Variants in C6orf58 observed in about 807,000 individuals in gnomAD.
The protein encoded by C6orf58 is chromosome 6 open reading frame 58, also known as protein LEG1 homolog.
A neutral mutation model predicts 37.0 loss-of-function variants in C6orf58; 30 were observed. That is an observed-to-expected ratio of 0.81 (90% CI 0.61 to 1.10). The LOEUF is 1.10. Ranked by LOEUF, C6orf58 falls within the 50% of genes least tolerant of loss-of-function variation. The probability of loss-of-function intolerance (pLI) is 0.00; values close to 1 mark genes in which losing one functional copy is unlikely to be tolerated. For missense variants in C6orf58, 368 were observed against 387.5 expected (o/e 0.95, Z 0.42); for synonymous variants, 143 against 134.1 (o/e 1.07, Z -0.46).
chr6:127,578,153 TG>T (rs1775010111), intron 1 of C6orf58, among the ~76,000 whole-genome samples: 1 of 152,132 alleles, frequency 6.6e-6, no homozygotes, highest in Non-Finnish European at 1.5e-5. Flanking sequence ...CAATTTCATT[TG>T]GAAGAAAAAC....
At chr6:127,585,516 C>T (rs886354302) in intron 4 of C6orf58, among the ~76,000 whole-genome samples, 1 of 152,030 alleles carries the variant, frequency 6.6e-6, no homozygotes, top group African/African-American at 2.4e-5. Flanking sequence ...TTTAAATGAT[C>T]AAAAAACCTA....
chr6:127,577,341 T>C lies in C6orf58; in HGVS notation c.156T>C (p.Ile52=), dbSNP rs369253972. Residue 52 remains isoleucine (I), a synonymous_variant, in exon 1 of 6, where the codon ATT becomes ATC. Coordinates refer to ENST00000329722, the MANE Select transcript of C6orf58 (RefSeq NM_001010905.3). ...DYRVENSMYI[I]NPWVYLERMG... ...GGGTGGAGAACAGCATGTACATTAT[T>C]AATCCCTGGGTATACCTTGAGAGAA... The C allele has an allele frequency of 3.3e-5, 54 of 1,613,694 alleles. No individual in the cohort carries two copies. In the African/African-American group the frequency reaches 6.4e-4, roughly 19 times the overall value.
chr6:127,579,484 CAG>C (rs1775025198), intron 2 of C6orf58, among the ~76,000 whole-genome samples: 1 of 152,034 alleles, frequency 6.6e-6, no homozygotes, highest in Non-Finnish European at 1.5e-5. Flanking sequence ...ATCTAGAATT[CAG>C]AGTTTGTTAT....
chr6:127,591,432 C>T (rs1223708441), intron 5 of C6orf58, 111 bp from the exon 6 acceptor site: 6 of 956,956 alleles, frequency 6.3e-6, no homozygotes, highest in Non-Finnish European at 8.7e-6. Flanking sequence ...TATGATTTTA[C>T]CATTAAATTA....
intron 4 of C6orf58, among the ~76,000 whole-genome samples, chr6:127,588,085 C>T (rs1301911269): frequency 6.6e-6 from 1 of 152,164 alleles, no homozygotes; most frequent in African/African-American, 2.4e-5. Context: ...CCTGGGTTCA[C>T]TCTCATGTTG....
At chr6:127,580,930 G>A (rs1436726116) in intron 3 of C6orf58, among the ~76,000 whole-genome samples, 3 of 151,918 alleles carry the variant, frequency 2.0e-5, no homozygotes, top group Non-Finnish European at 4.4e-5. Context: ...GGCCTGATCG[G>A]TATAAAATAT....
At position 127,581,282 on chromosome 6, in the gene C6orf58, G is replaced by A. The variant is rs1775047656; in HGVS notation, c.674G>A (p.Arg225Lys). The A allele has an allele frequency of 1.4e-6, 2 of 1,417,374 alleles. No homozygotes were observed. Among genetic ancestry groups the A allele is most frequent in the Non-Finnish European group, 1.9e-6 (2 of 1,039,492 alleles). 87.8% of individuals were successfully genotyped at this position (1,417,374 alleles called of 1,614,324 possible). The part of the protein sequence containing the change: ...LADNIKSFED[R>K]YDYYSKAEAH... ...GATAATATCAAAAGTTTTGAAGACA[G>A]GTAAGAATGAATCTTTAAAGTATCT... The change falls in exon 4 of 6, where the codon AGA becomes AAA. Residue 225 changes from arginine (R) to lysine (K), a missense_variant and splice_region_variant. Coordinates refer to ENST00000329722, the MANE Select transcript of C6orf58 (RefSeq NM_001010905.3).
In C6orf58 at chr6:127,590,364, A is replaced by G. The variant is rs746148834; in HGVS notation, c.913+39A>G. Reference sequence around the variant, plus strand: ...AAGGATACTTTTAAAAATCAGTATTATGTTGAACAAATAGAGGAAGAAATA... The same window carrying G: ...AAGGATACTTTTAAAAATCAGTATTGTGTTGAACAAATAGAGGAAGAAATA... On this transcript the variant is annotated intron_variant, in intron 5 of 5. Transcript: ENST00000329722. 7 of 1,217,840 alleles carry G rather than the reference A, an allele frequency of 5.7e-6. No homozygotes were observed. In the Admixed American group the frequency reaches 1.3e-4, roughly 23 times the overall value. The allele number at this position is 1,217,840 out of a possible 1,614,324, so 75.4% of individuals were successfully genotyped here.
At chr6:127,578,877 A>G in intron 2 of C6orf58, 105 bp downstream of exon 2, 1 of 834,046 alleles carries the variant, frequency 1.2e-6, no homozygotes, top group Non-Finnish European at 1.9e-6. Flanking sequence ...TCCTGTTCCT[A>G]TTTTAAAAAG....
chr6:127,590,259 T>G lies in C6orf58; in HGVS notation c.847T>G (p.Phe283Val). The change falls in exon 5 of 6, where the codon TTT becomes GTT. Residue 283 changes from phenylalanine (F) to valine (V), a missense_variant. Coordinates refer to ENST00000329722, the MANE Select transcript of C6orf58 (RefSeq NM_001010905.3). ...NTDVAPFISD[F>V]TAFQNVVLVL... ...TGATGTAGCCCCTTTCATCAGTGAC[T>G]TTACTGCTTTTCAGAATGTAGTCCT... is the stretch of plus-strand genomic sequence containing the variant. The G allele has an allele frequency of 6.2e-7, 1 of 1,613,566 alleles. No homozygotes were observed. The highest frequency in any genetic ancestry group is 8.5e-7 in the Non-Finnish European group (1 of 1,179,780).
At chr6:127,577,980 A>G (rs1583126818) in intron 1 of C6orf58, among the ~76,000 whole-genome samples, 1 of 152,264 alleles carries the variant, frequency 6.6e-6, no homozygotes, top group Non-Finnish European at 1.5e-5. Flanking sequence ...TACAGTGTAT[A>G]GACAGAAGTT....
chr6:127,585,052 C>G (rs767625235), intron 4 of C6orf58, among the ~76,000 whole-genome samples: 3 of 152,100 alleles, frequency 2.0e-5, no homozygotes, highest in Non-Finnish European at 4.4e-5. Context: ...AACTCTCATT[C>G]GGTCCAATGG....
At chr6:127,582,420 T>G (rs1447642172) in intron 4 of C6orf58, among the ~76,000 whole-genome samples, 1 of 152,186 alleles carries the variant, frequency 6.6e-6, no homozygotes, top group Non-Finnish European at 1.5e-5. Flanking sequence ...TGTTTGTTGA[T>G]TTCTTACAAC....
chr6:127,578,866 A>G lies in C6orf58; in HGVS notation c.388+94A>G, dbSNP rs1775018101. The stretch of plus-strand genomic sequence containing the variant: ...TAGGGACAGAGACAGAACTAAAATA[A>G]TCCTGTTCCTATTTTAAAAAGGAAT... On this transcript the variant is annotated intron_variant, in intron 2 of 5. Transcript: ENST00000329722. 1.4e-5 allele frequency: 12 copies of G among 874,502 alleles called. No individual in the cohort carries two copies. In the South Asian group the frequency reaches 1.9e-4, roughly 14 times the overall value. The allele number at this position is 874,502 out of a possible 1,614,324, so 54.2% of individuals were successfully genotyped here.
chr6:127,579,283 C>T (rs1431468766), intron 2 of C6orf58, among the ~76,000 whole-genome samples: 1 of 152,086 alleles, frequency 6.6e-6, no homozygotes, highest in African/African-American at 2.4e-5. Context: ...CTAATTCTTT[C>T]ATTTAATTTT....
At position 127,581,291 on chromosome 6, in the gene C6orf58, G is replaced by T. The variant is rs867698147; in HGVS notation, c.674+9G>T. 2.3e-6 allele frequency: 3 copies of T among 1,323,018 alleles called. No homozygotes were observed. Among genetic ancestry groups the T allele is most frequent in the South Asian group, 1.5e-5 (1 of 65,420 alleles). 82.0% of individuals were successfully genotyped at this position (1,323,018 alleles called of 1,614,324 possible). On this transcript the variant is annotated intron_variant, in intron 4 of 5. Coordinates refer to ENST00000329722, the MANE Select transcript of C6orf58 (RefSeq NM_001010905.3). ...AAAAGTTTTGAAGACAGGTAAGAAT[G>T]AATCTTTAAAGTATCTCTATTTAAT...
intron 4 of C6orf58, among the ~76,000 whole-genome samples, chr6:127,584,620 A>G (rs1021115013): frequency 6.6e-6 from 1 of 152,086 alleles, no homozygotes; most frequent in African/African-American, 2.4e-5. Flanking sequence ...GTAAAAATAC[A>G]GAAATTAGCC....
At chr6:127,590,862 G>T (rs1775155408) in intron 5 of C6orf58, among the ~76,000 whole-genome samples, 1 of 152,060 alleles carries the variant, frequency 6.6e-6, no homozygotes, top group Non-Finnish European at 1.5e-5. Flanking sequence ...TTATCTACCA[G>T]TTTGAAAGTG....
chr6:127,589,142 G>C (rs1310286774), intron 4 of C6orf58, among the ~76,000 whole-genome samples: 1 of 152,140 alleles, frequency 6.6e-6, no homozygotes, highest in Non-Finnish European at 1.5e-5. Context: ...TTCTAGACAT[G>C]ATAATAGAAT....
Sources: gnomAD v4.1 joint callset for allele counts (sites outside exome capture counted in the v4.1 genomes callset) on GRCh38, gnomAD v4.1.1 for gene constraint, MANE v1.5 for transcripts, NCBI Gene and HGNC (gene_info 2026-07-23, HGNC 2026-07-21) for gene names.